Variants in RASEF observed in about 807,000 individuals in gnomAD.
The protein encoded by RASEF is RAS and EF-hand domain containing.
In RASEF, 68 loss-of-function variants were observed where a neutral mutation model predicts 90.1. The observed-to-expected ratio is 0.75, with a 90% CI of 0.62 to 0.92. The LOEUF (loss-of-function observed/expected upper bound fraction) is 0.92. Ranked by LOEUF, RASEF falls within the 40% of genes least tolerant of loss-of-function variation. The probability of loss-of-function intolerance (pLI) is 0.00; values close to 1 mark genes in which losing one functional copy is unlikely to be tolerated. For missense variants in RASEF, 949 were observed against 937.2 expected, an observed-to-expected ratio of 1.01 and a Z score of -0.16; for synonymous variants, 331 against 345.2, an observed-to-expected ratio of 0.96 and a Z score of 0.46.
At chr9:83,180,484 T>C in the RASEF span, among the ~76,000 whole-genome samples, 2 of 66,020 alleles carry the variant, frequency 3.0e-5, no homozygotes, top group African/African-American at 6.7e-5. Context: ...TAAACATTAC[T>C]TTTTTTTTTT....
chr9:83,213,261 A>T, the RASEF span, among the ~76,000 whole-genome samples: 1 of 151,870 alleles, frequency 6.6e-6, no homozygotes, highest in Admixed American at 6.6e-5. Flanking sequence ...TTAGAGGGGC[A>T]TGGTGGCATG....
At chr9:83,161,402 C>T in the RASEF span, among the ~76,000 whole-genome samples, 1 of 149,756 alleles carries the variant, frequency 6.7e-6, no homozygotes, top group Non-Finnish European at 1.5e-5. Flanking sequence ...GGGTTTCAGA[C>T]TTGCATGGGG....
intron 15 of RASEF, among the ~76,000 whole-genome samples, chr9:82,990,671 G>A (rs1216302160): frequency 6.6e-6 from 1 of 152,160 alleles, no homozygotes; most frequent in Non-Finnish European, 1.5e-5. Context: ...CCTAGTTGGA[G>A]GACTTTTACT....
chr9:83,014,722 G>A (rs1003433172), intron 4 of RASEF, among the ~76,000 whole-genome samples: 7 of 152,116 alleles, frequency 4.6e-5, no homozygotes, highest in East Asian at 3.8e-4. Context: ...GTACAGTGCC[G>A]GAGCCAGCCT....
At chr9:83,209,197 G>A in the RASEF span, among the ~76,000 whole-genome samples, 1 of 152,232 alleles carries the variant, frequency 6.6e-6, no homozygotes, top group African/African-American at 2.4e-5. Context: ...CCCTCAGCCT[G>A]AAGGTCTGAT....
At chr9:83,151,117 G>A in the RASEF span, among the ~76,000 whole-genome samples, 1 of 150,996 alleles carries the variant, frequency 6.6e-6, no homozygotes, top group South Asian at 2.1e-4. Flanking sequence ...TTTTTTTTCA[G>A]GGATTAGTAT....
chr9:83,102,480 T>C, the RASEF span, among the ~76,000 whole-genome samples: 1 of 152,162 alleles, frequency 6.6e-6, no homozygotes, highest in Admixed American at 6.5e-5. Flanking sequence ...AAAAGGACCT[T>C]GTGTATTGAT....
At chr9:83,021,213 G>A (rs1408294852) in intron 3 of RASEF, among the ~76,000 whole-genome samples, 1 of 152,200 alleles carries the variant, frequency 6.6e-6, no homozygotes, top group African/African-American at 2.4e-5. Flanking sequence ...CCCCTGTGAA[G>A]GCAGGTAGGT....
chr9:83,213,776 T>C, the RASEF span, among the ~76,000 whole-genome samples: 1 of 152,244 alleles, frequency 6.6e-6, no homozygotes, highest in East Asian at 1.9e-4. Flanking sequence ...CAACACACTC[T>C]TGTTAACTAG....
At chr9:83,147,652 G>A in the RASEF span, among the ~76,000 whole-genome samples, 1 of 152,232 alleles carries the variant, frequency 6.6e-6, no homozygotes, top group East Asian at 1.9e-4. Flanking sequence ...TGCTCCTTTA[G>A]CTCTGCCATC....
Position 82,993,574 on chromosome 9 carries a change from G to A in RASEF, c.1921-549C>T, listed in dbSNP as rs559420880. 1.2e-3 allele frequency among the ~76,000 whole-genome samples: 182 copies of A among 152,258 alleles called. 1 individual carries two copies. Among genetic ancestry groups the A allele is most frequent in the African/African-American group, 4.3e-3 (180 of 41,542 alleles). On this transcript the variant is annotated intron_variant, in intron 14 of 16. Transcript: ENST00000376447. ...TTTTTCAACTATAATGAAACAAAAA[G>A]GGAGTTTGGAAGTTCCACACTCACT...
the RASEF span, among the ~76,000 whole-genome samples, chr9:83,075,996 C>T: frequency 6.6e-5 from 10 of 151,998 alleles, no homozygotes; most frequent in Non-Finnish European, 7.4e-5. Context: ...AGTGAAACCC[C>T]GCCTCTACTA....
At position 82,979,722 on chromosome 9, in the gene RASEF, G is replaced by A. The variant is rs867593841; in HGVS notation, c.*2955C>T. 1 of 152,040 alleles carries A rather than the reference G, an allele frequency of 6.6e-6. No individual in the cohort carries two copies. The highest frequency in any genetic ancestry group is 2.4e-5 in the African/African-American group (1 of 41,392). The allele number at this position is 152,040 out of a possible 1,614,324, so 9.4% of individuals were successfully genotyped here. A position where few individuals can be genotyped will look rare whatever the true frequency, so the allele number is the denominator to read the frequency against. ...TTGAAGAGAAATAAACAGTATAAAC[G>A]AAATATGGCCCACACAATGAAAATG... On this transcript the variant is annotated 3_prime_UTR_variant, in exon 17 of 17. Coordinates refer to ENST00000376447, the MANE Select transcript of RASEF (RefSeq NM_152573.4).
chr9:83,083,415 T>A, the RASEF span, among the ~76,000 whole-genome samples: 1 of 152,122 alleles, frequency 6.6e-6, no homozygotes, highest in Non-Finnish European at 1.5e-5. Context: ...ACTCAATATA[T>A]CAAGAAAACA....
chr9:83,084,888 C>G, the RASEF span, among the ~76,000 whole-genome samples: 1 of 152,144 alleles, frequency 6.6e-6, no homozygotes, highest in Non-Finnish European at 1.5e-5. Context: ...CTATCCCTCA[C>G]TGCAAACATC....
chr9:83,084,758 T>C, the RASEF span, among the ~76,000 whole-genome samples: 2 of 152,184 alleles, frequency 1.3e-5, no homozygotes, highest in African/African-American at 2.4e-5. Flanking sequence ...ATTTCTTTCA[T>C]CTTCACGTAT....
chr9:83,129,316 A>G, the RASEF span, among the ~76,000 whole-genome samples: 1 of 151,772 alleles, frequency 6.6e-6, no homozygotes, highest in Non-Finnish European at 1.5e-5. Context: ...CTGAGGCAGG[A>G]GAATGGCATG....
chr9:83,142,427 A>G, the RASEF span, among the ~76,000 whole-genome samples: 1 of 152,230 alleles, frequency 6.6e-6, no homozygotes, highest in Admixed American at 6.5e-5. Context: ...AACTACATGC[A>G]TTTTAGATAG....
chr9:83,040,046 GT>G (rs1829810168), intron 1 of RASEF, among the ~76,000 whole-genome samples: 1 of 152,054 alleles, frequency 6.6e-6, no homozygotes, highest in South Asian at 2.1e-4. Context: ...AGATCTGATG[GT>G]TTTATAAAGG....
Sources: gnomAD v4.1 joint callset for allele counts (sites outside exome capture counted in the v4.1 genomes callset) on GRCh38, gnomAD v4.1.1 for gene constraint, MANE v1.5 for transcripts, NCBI Gene and HGNC (gene_info 2026-07-23, HGNC 2026-07-21) for gene names.